The following DAOA variants were observed in gnomAD, a reference collection of about 807,000 sequenced individuals.
DAOA encodes the protein D-amino acid oxidase activator.
Under a neutral mutation model 16.4 loss-of-function variants are expected in DAOA, and 15 were observed. The observed-to-expected ratio is 0.91, with a 90% CI of 0.61 to 1.41. The LOEUF (loss-of-function observed/expected upper bound fraction) is 1.41, where lower values mean the gene tolerates loss of function less well. Among genes scored for constraint, DAOA ranks in the 40% most tolerant of loss-of-function variants. The pLI is 0.00. For missense variants in DAOA, 230 were observed against 176.8 expected (o/e 1.30, Z -1.71); for synonymous variants, 75 against 59.1 (o/e 1.27, Z -1.23).
At chr13:105,474,667 A>T (rs2139179127) in intron 4 of DAOA, among the ~76,000 whole-genome samples, 1 of 152,274 alleles carries the variant, frequency 6.6e-6, no homozygotes, top group Non-Finnish European at 1.5e-5. Flanking sequence ...CAATTATATG[A>T]AACAAATCGG....
chr13:105,487,903 C>A (rs915065565), intron 4 of DAOA, among the ~76,000 whole-genome samples: 1 of 152,108 alleles, frequency 6.6e-6, no homozygotes, highest in Non-Finnish European at 1.5e-5. Flanking sequence ...AAAGCCATTT[C>A]TTTGAGATTT....
At chr13:105,470,939 C>T (rs982964424) in intron 3 of DAOA, among the ~76,000 whole-genome samples, 3 of 152,090 alleles carry the variant, frequency 2.0e-5, no homozygotes, top group African/African-American at 2.4e-5. Context: ...TACAGGCGCC[C>T]ACCACCAAGC....
intron 4 of DAOA, among the ~76,000 whole-genome samples, chr13:105,474,622 T>C (rs1210797883): frequency 6.6e-6 from 1 of 152,064 alleles, no homozygotes; most frequent in African/African-American, 2.4e-5. Context: ...CCAGCAAATG[T>C]GCATCTAAAA....
At chr13:105,483,466 C>T (rs1028743117) in intron 4 of DAOA, among the ~76,000 whole-genome samples, 2 of 152,278 alleles carry the variant, frequency 1.3e-5, no homozygotes, top group East Asian at 1.9e-4. Flanking sequence ...ATTTTGCATT[C>T]CTACAGACAG....
chr13:105,466,989 T>A (rs561762928), intron 2 of DAOA, 64 bp from the exon 3 acceptor site: 1 of 1,541,716 alleles, frequency 6.5e-7, no homozygotes, highest in East Asian at 2.3e-5. Flanking sequence ...TGTTGCTTAT[T>A]CTTTCTCTCT....
Position 105,466,264 on chromosome 13 carries a change from G to C in DAOA, c.-25G>C. 6.2e-7 allele frequency: 1 copy of C among 1,613,918 alleles called. No homozygotes were observed. The highest frequency in any genetic ancestry group is 1.7e-5 in the Admixed American group (1 of 59,996). On this transcript the variant is annotated 5_prime_UTR_variant, in exon 2 of 6. Transcript: ENST00000375936. ...GGTCTCATCTCTGCTTCACAATGCCGATGATTTAGCTGGGAGGACCCAAAA... is the reference window on the plus strand; with the variant it reads ...GGTCTCATCTCTGCTTCACAATGCCCATGATTTAGCTGGGAGGACCCAAAA...
At chr13:105,481,305 C>A in intron 4 of DAOA, among the ~76,000 whole-genome samples, 1 of 152,102 alleles carries the variant, frequency 6.6e-6, no homozygotes, top group Admixed American at 6.6e-5. Context: ...ATGCCATTAT[C>A]ATCCCACTTT....
intron 4 of DAOA, among the ~76,000 whole-genome samples, chr13:105,482,742 G>A (rs115886475): frequency 0.017 from 2,570 of 151,988 alleles, 71 homozygotes; most frequent in African/African-American, 0.058. Context: ...TCCTAACCTC[G>A]TGATCTGCCT....
At chr13:105,476,485 C>A (rs1877339657) in intron 4 of DAOA, among the ~76,000 whole-genome samples, 3 of 117,000 alleles carry the variant, frequency 2.6e-5, no homozygotes, top group African/African-American at 3.3e-5. Flanking sequence ...TCACTTGTAC[C>A]AAAAAACATG....
chr13:105,482,661 C>A (rs1384080915), intron 4 of DAOA, among the ~76,000 whole-genome samples: 2 of 151,992 alleles, frequency 1.3e-5, no homozygotes, highest in Admixed American at 6.6e-5. Context: ...GTGCCCACCA[C>A]CACGTCTGGC....
At chr13:105,484,676 T>TA (rs1432761211) in intron 4 of DAOA, among the ~76,000 whole-genome samples, 2 of 152,178 alleles carry the variant, frequency 1.3e-5, no homozygotes, top group African/African-American at 4.8e-5. Context: ...GAAACCTCAC[T>TA]AAAATCATGC....
chr13:105,490,018 C>T lies in DAOA; in HGVS notation c.399C>T (p.Asn133=), dbSNP rs866918476. 2.5e-6 allele frequency: 4 copies of T among 1,610,162 alleles called. No individual in the cohort carries two copies. In the African/African-American group the frequency reaches 5.3e-5, roughly 22 times the overall value. ...RQPLERMWTC[N]YNQQKDQSCN... Reference sequence around the variant, plus strand: ...CTCTAGAACGAATGTGGACCTGCAACTACAACCAGCAAAAAGACCAGTCAT... The same window carrying T: ...CTCTAGAACGAATGTGGACCTGCAATTACAACCAGCAAAAAGACCAGTCAT... The change falls in exon 5 of 6, where the codon AAC becomes AAT. Residue 133 remains asparagine (N), a synonymous_variant. Transcript: ENST00000375936.
intron 4 of DAOA, among the ~76,000 whole-genome samples, chr13:105,481,018 T>C (rs183104134): frequency 6.6e-6 from 1 of 152,138 alleles, no homozygotes; most frequent in East Asian, 1.9e-4. Flanking sequence ...TCCAGTCCAT[T>C]TGACATCTAA....
chr13:105,489,669 A>C lies in DAOA; in HGVS notation c.282-232A>C, dbSNP rs768377072. 312 of 936,268 alleles carry C rather than the reference A, an allele frequency of 3.3e-4. 1 individual carries two copies. The highest frequency in any genetic ancestry group is 3.8e-4 in the Non-Finnish European group (249 of 650,486). The allele number at this position is 936,268 out of a possible 1,614,324, so 58.0% of individuals were successfully genotyped here. ...CCTACAATTCTTTATGCTTTTTCAC[A>C]GTCTTTCTTTGAAATTATATCCAAA... On this transcript the variant is annotated intron_variant, in intron 4 of 5. Transcript: ENST00000375936.
chr13:105,486,590 T>A (rs1027209951), intron 4 of DAOA, among the ~76,000 whole-genome samples: 1 of 151,748 alleles, frequency 6.6e-6, no homozygotes, highest in African/African-American at 2.4e-5. Flanking sequence ...AGTTTCCAGG[T>A]CTCAGTATCG....
chr13:105,477,195 A>G (rs2139184409), intron 4 of DAOA: 1 of 152,236 alleles, frequency 6.6e-6, no homozygotes, highest in Non-Finnish European at 1.5e-5. Context: ...CTGCTACCAG[A>G]CCTTGGATCT....
At chr13:105,484,401 G>T (rs1224805517) in intron 4 of DAOA, among the ~76,000 whole-genome samples, 1 of 152,050 alleles carries the variant, frequency 6.6e-6, no homozygotes, top group African/African-American at 2.4e-5. Flanking sequence ...AGCTATAGAT[G>T]AATTTGGGGA....
At chr13:105,475,098 G>A (rs1877242239) in intron 4 of DAOA, 4 of 949,994 alleles carry the variant, frequency 4.2e-6, no homozygotes, top group Non-Finnish European at 5.0e-6. Context: ...CATACCCCTA[G>A]TGAGATAAGA....
At chr13:105,479,478 C>A (rs1877559052) in intron 4 of DAOA, among the ~76,000 whole-genome samples, 1 of 152,148 alleles carries the variant, frequency 6.6e-6, no homozygotes, top group Non-Finnish European at 1.5e-5. Context: ...AATTAACACA[C>A]AGGCTGGTTC....
Sources: gnomAD v4.1 joint callset for allele counts (sites outside exome capture counted in the v4.1 genomes callset) on GRCh38, gnomAD v4.1.1 for gene constraint, MANE v1.5 for transcripts, NCBI Gene and HGNC (gene_info 2026-07-23, HGNC 2026-07-21) for gene names.